HUNK: variants seen among roughly 807,000 people sequenced by gnomAD.
HUNK encodes the protein hormonally up-regulated neu tumor-associated kinase.
A neutral mutation model predicts 61.0 loss-of-function variants in HUNK; 21 were observed. The ratio of observed to expected loss-of-function variants is 0.34; its 90% CI spans 0.24 to 0.50. The LOEUF (loss-of-function observed/expected upper bound fraction) is 0.50, where lower values mean the gene tolerates loss of function less well. Ranked by LOEUF, HUNK falls within the 20% of genes least tolerant of loss-of-function variation. The pLI is 0.98. For missense variants in HUNK, 772 were observed against 945.7 expected (o/e 0.82, Z 2.41); for synonymous variants, 371 against 386.1 (o/e 0.96, Z 0.46).
chr21:31,923,420 C>T (rs2123815462), intron 1 of HUNK, among the ~76,000 whole-genome samples: 1 of 148,526 alleles, frequency 6.7e-6, no homozygotes, highest in East Asian at 2.0e-4. Context: ...GCCTGGGCAA[C>T]AGAGAGACTC....
rs368461359 is a variant in HUNK at position 31,901,829 on chromosome 21, C to T, written c.262-22639C>T. 1.9e-4 allele frequency among the ~76,000 whole-genome samples: 29 copies of T among 152,206 alleles called. No homozygotes were observed. In the East Asian group the frequency reaches 5.4e-3, roughly 28 times the overall value. ...TTTGTTTTTCTTTGGTCACATTGAACTACTACCTGATTTAGGTGTTCACAA... is the reference window on the plus strand; with the variant it reads ...TTTGTTTTTCTTTGGTCACATTGAATTACTACCTGATTTAGGTGTTCACAA... On this transcript the variant is annotated intron_variant, in intron 1 of 10. Coordinates refer to ENST00000270112, the MANE Select transcript of HUNK (RefSeq NM_014586.2).
intron 5 of HUNK, among the ~76,000 whole-genome samples, chr21:31,962,890 G>A (rs923473952): frequency 6.6e-6 from 1 of 152,358 alleles, no homozygotes; most frequent in African/African-American, 2.4e-5. Context: ...TGGAAAGGTG[G>A]CCCATAGATT....
chr21:31,891,558 G>A (rs1228600327), intron 1 of HUNK, among the ~76,000 whole-genome samples: 1 of 152,166 alleles, frequency 6.6e-6, no homozygotes, highest in Non-Finnish European at 1.5e-5. Context: ...TTAGGATCCT[G>A]TTTACACATA....
At chr21:31,901,174 G>A (rs1257992747) in intron 1 of HUNK, among the ~76,000 whole-genome samples, 1 of 152,208 alleles carries the variant, frequency 6.6e-6, no homozygotes, top group Non-Finnish European at 1.5e-5. Flanking sequence ...CACCTTCTGA[G>A]CTGCTGGGGG....
chr21:31,926,997 C>G, intron 2 of HUNK, among the ~76,000 whole-genome samples: 1 of 113,136 alleles, frequency 8.8e-6, no homozygotes, highest in Non-Finnish European at 2.1e-5. Flanking sequence ...TTCTTTCTTT[C>G]TCTCTCTCTC....
intron 2 of HUNK, among the ~76,000 whole-genome samples, chr21:31,938,840 T>C (rs1439787427): frequency 6.6e-6 from 1 of 152,222 alleles, no homozygotes; most frequent in Non-Finnish European, 1.5e-5. Context: ...GGCTACAATT[T>C]AAGATGCCAG....
chr21:31,931,847 C>A (rs981516973), intron 2 of HUNK, among the ~76,000 whole-genome samples: 7 of 152,084 alleles, frequency 4.6e-5, no homozygotes, highest in African/African-American at 1.4e-4. Context: ...TGTGGAGGCC[C>A]AGGGGAGAGA....
intron 1 of HUNK, among the ~76,000 whole-genome samples, chr21:31,878,716 T>C (rs1293024622): frequency 2.0e-5 from 3 of 152,208 alleles, no homozygotes; most frequent in African/African-American, 7.2e-5. Context: ...GACAGGTTAT[T>C]GTGTTTTGTA....
At chr21:31,936,222 C>A (rs2052732703) in intron 2 of HUNK, among the ~76,000 whole-genome samples, 1 of 152,206 alleles carries the variant, frequency 6.6e-6, no homozygotes, top group African/African-American at 2.4e-5. Context: ...CTGCTATAAA[C>A]ATTTATGTCC....
At chr21:31,903,516 C>A (rs1459333896) in intron 1 of HUNK, among the ~76,000 whole-genome samples, 1 of 150,730 alleles carries the variant, frequency 6.6e-6, no homozygotes, top group Non-Finnish European at 1.5e-5. Flanking sequence ...TTTACTCTTG[C>A]CAAAAAAAAA....
In HUNK at chr21:32,001,070, G is replaced by A. The variant is rs567613907; in HGVS notation, c.*1886G>A. The A allele has an allele frequency of 9.9e-5, 20 of 202,246 alleles. No individual in the cohort carries two copies. Among genetic ancestry groups the A allele is most frequent in the African/African-American group, 3.7e-4 (16 of 43,528 alleles). The allele number at this position is 202,246 out of a possible 1,614,324, so 12.5% of individuals were successfully genotyped here. ...GTGGATCGCTTGAGCTCAGGAGTTC[G>A]AGAGCAGCCTGGGCAACATGGTGAA... On this transcript the variant is annotated 3_prime_UTR_variant, in exon 11 of 11. Transcript: ENST00000270112.
In HUNK at chr21:31,974,737, C is replaced by A; in HGVS notation, c.1173+20C>A. On this transcript the variant is annotated intron_variant, in intron 7 of 10. Transcript: ENST00000270112. Reference sequence around the variant, plus strand: ...TCAGGGGTAAGTGCGACCCTAGAGGCGATCGTCTCTGCTGTCTGTGGAAAA... The same window carrying A: ...TCAGGGGTAAGTGCGACCCTAGAGGAGATCGTCTCTGCTGTCTGTGGAAAA... The A allele has an allele frequency of 6.3e-7, 1 of 1,598,418 alleles. No individual in the cohort carries two copies. The highest frequency in any genetic ancestry group is 8.5e-7 in the Non-Finnish European group (1 of 1,172,472).
chr21:31,972,584 G>A (rs889004584), intron 6 of HUNK, among the ~76,000 whole-genome samples: 19 of 152,262 alleles, frequency 1.2e-4, no homozygotes, highest in East Asian at 3.9e-4. Context: ...TACCCTCGGC[G>A]GGTGCACTGC....
At chr21:31,965,214 G>A (rs535479028) in intron 5 of HUNK, among the ~76,000 whole-genome samples, 6 of 151,986 alleles carry the variant, frequency 3.9e-5, no homozygotes, top group African/African-American at 9.7e-5. Context: ...ACCAAATACC[G>A]CATGTTCTCA....
intron 6 of HUNK, among the ~76,000 whole-genome samples, chr21:31,973,403 G>A (rs920242061): frequency 8.5e-5 from 13 of 152,062 alleles, no homozygotes; most frequent in African/African-American, 1.9e-4. Context: ...GAGAAGATGC[G>A]GTGTTTGGTT....
chr21:31,943,245 T>C (rs2052781024), intron 3 of HUNK, among the ~76,000 whole-genome samples: 1 of 152,188 alleles, frequency 6.6e-6, no homozygotes, highest in Non-Finnish European at 1.5e-5. Context: ...AGGTTTTTTT[T>C]CCCTTTCAAA....
chr21:31,899,146 A>C (rs2052445904), intron 1 of HUNK, among the ~76,000 whole-genome samples: 1 of 151,932 alleles, frequency 6.6e-6, no homozygotes, highest in Non-Finnish European at 1.5e-5. Context: ...TGCTGCACTG[A>C]TTTTACTTAG....
Position 32,000,817 on chromosome 21 carries a change from G to A in HUNK, c.*1633G>A. On this transcript the variant is annotated 3_prime_UTR_variant, in exon 11 of 11. Transcript: ENST00000270112. ...CTCACATCTCTGACAGAGCGGGACA[G>A]AATGGATATTTGGCTGACCTTGGTG... 2.5e-6 allele frequency: 1 copy of A among 398,340 alleles called. No homozygotes were observed. The highest frequency in any genetic ancestry group is 1.3e-4 in the South Asian group (1 of 7,542). 24.7% of individuals were successfully genotyped at this position (398,340 alleles called of 1,614,324 possible).
chr21:31,882,477 C>A (rs950197164), intron 1 of HUNK, among the ~76,000 whole-genome samples: 1 of 152,148 alleles, frequency 6.6e-6, no homozygotes, highest in African/African-American at 2.4e-5. Context: ...CAGAGATACC[C>A]TATATGCATA....
Sources: allele counts gnomAD v4.1 joint callset (sites outside exome capture counted in the v4.1 genomes callset), GRCh38; gene constraint gnomAD v4.1.1; transcripts MANE v1.5; gene names NCBI Gene and HGNC (gene_info 2026-07-23, HGNC 2026-07-21).